The following CCT5 variants were observed in gnomAD, a reference collection of about 807,000 sequenced individuals.
CCT5 encodes the protein T-complex protein 1 subunit epsilon.
Under a neutral mutation model 55.0 loss-of-function variants are expected in CCT5, and 6 were observed. That is an observed-to-expected ratio of 0.11 (90% CI 0.06 to 0.22). CCT5 has a LOEUF of 0.22. CCT5 is among the 10% of genes least tolerant of loss of function. The pLI is 1.00. For missense variants in CCT5, 560 were observed against 694.6 expected, an observed-to-expected ratio of 0.81 and a Z score of 2.18; for synonymous variants, 231 against 243.7, an observed-to-expected ratio of 0.95 and a Z score of 0.49.
intron 4 of CCT5, 113 bp downstream of exon 4, chr5:10,256,266 T>G (rs1475139847): frequency 2.2e-6 from 2 of 919,954 alleles, no homozygotes; most frequent in African/African-American, 1.6e-5. Context: ...TTTGATTATT[T>G]GTTTTGATTA....
chr5:10,249,935 C>CAAAAAAA, upstream of CCT5: 4 of 716,850 alleles, frequency 5.6e-6, no homozygotes, highest in Non-Finnish European at 6.9e-6. Context: ...AAAAAAAAAA[C>CAAAAAAA]CGGAAATGGG....
chr5:10,260,789 C>A lies in CCT5; in HGVS notation c.874-3C>A. Reference sequence around the variant, plus strand: ...AATACGATTGTGGTGGTTCTTTTCCCAGATTAAAGAGACTGGTGCTAACCT... The same window carrying A: ...AATACGATTGTGGTGGTTCTTTTCCAAGATTAAAGAGACTGGTGCTAACCT... On this transcript the variant is annotated splice_region_variant and splice_polypyrimidine_tract_variant and intron_variant, in intron 6 of 10. Coordinates refer to ENST00000280326, the MANE Select transcript of CCT5 (RefSeq NM_012073.5). 1 of 1,613,256 alleles carries A rather than the reference C, an allele frequency of 6.2e-7. No homozygotes were observed. The highest frequency in any genetic ancestry group is 1.1e-5 in the South Asian group (1 of 91,040).
chr5:10,254,064 A>C (rs1745557400), intron 1 of CCT5, 81 bp from the exon 2 acceptor site: 11 of 920,628 alleles, frequency 1.2e-5, no homozygotes, highest in Middle Eastern at 3.0e-4. Context: ...GTCATAAGTG[A>C]TTTTTGTAGT....
At position 10,254,118 on chromosome 5, in the gene CCT5, GT is replaced by G. The variant is rs762170913; in HGVS notation, c.106-24del. 9.2e-6 allele frequency: 14 copies of G among 1,518,536 alleles called. No individual in the cohort carries two copies. In the Admixed American group the frequency reaches 2.3e-4, roughly 25 times the overall value. 94.1% of individuals were successfully genotyped at this position (1,518,536 alleles called of 1,614,324 possible). A position where few individuals can be genotyped will look rare whatever the true frequency, so the allele number is the denominator to read the frequency against. On this transcript the variant is annotated intron_variant, in intron 1 of 10. Coordinates refer to ENST00000280326, the MANE Select transcript of CCT5 (RefSeq NM_012073.5). ...AACCATTGAAATTATATGTAACAGT[GT>G]TTGCTTTTTCTGTTTGTTTCATTAG...
chr5:10,250,142 T>C, upstream of CCT5: 1 of 1,536,012 alleles, frequency 6.5e-7, no homozygotes, highest in Non-Finnish European at 8.7e-7. Flanking sequence ...CCCGGCTTCC[T>C]GGATAATAGA....
intron 10 of CCT5, 90 bp downstream of exon 10, chr5:10,263,404 T>C (rs1746074374): frequency 7.9e-7 from 1 of 1,258,108 alleles, no homozygotes. Context: ...GAGATGATGG[T>C]GTCTTTTTAA....
chr5:10,257,881 T>TA (rs372757876), intron 4 of CCT5: 35 of 578,062 alleles, frequency 6.1e-5, no homozygotes, highest in African/African-American at 6.0e-4. Flanking sequence ...TTAGCGAAAA[T>TA]AAAGATGTAA....
rs2578642 is a variant in CCT5 at position 10,262,628 on chromosome 5, C to A, written c.1317+10C>A. On this transcript the variant is annotated intron_variant, in intron 9 of 10. Coordinates refer to ENST00000280326, the MANE Select transcript of CCT5 (RefSeq NM_012073.5). ...CCAAGAGGCGGATAAGGTAAGGGATCTGTGCAGACTTAGTGAAAGATTCAG... is the reference window on the plus strand; with the variant it reads ...CCAAGAGGCGGATAAGGTAAGGGATATGTGCAGACTTAGTGAAAGATTCAG... The A allele has an allele frequency of 0.82, 1,330,995 of 1,613,666 alleles. 556,319 individuals are homozygous for A. Among genetic ancestry groups the A allele is most frequent in the East Asian group, 0.89 (39,807 of 44,864 alleles).
intron 1 of CCT5, among the ~76,000 whole-genome samples, chr5:10,252,472 G>A (rs1745471075): frequency 6.6e-6 from 1 of 152,050 alleles, no homozygotes; most frequent in African/African-American, 2.4e-5. Context: ...GGCATTGACT[G>A]GGCGCGGTGG....
rs921016368 is a variant in CCT5, at chr5:10,258,522, A to G, written c.860A>G (p.Glu287Gly). 2.1e-5 allele frequency: 34 copies of G among 1,613,442 alleles called. No individual in the cohort carries two copies. The highest frequency in any genetic ancestry group is 2.9e-5 in the Non-Finnish European group (34 of 1,179,604). ...AAATACGAAAAGGAGAAATTTGAAGAGATGATTCAACAAGTAAGTCTTACC... is the reference window on the plus strand; with the variant it reads ...AAATACGAAAAGGAGAAATTTGAAGGGATGATTCAACAAGTAAGTCTTACC... ...LQKYEKEKFE[E>G]MIQQIKETGA... Residue 287 changes from glutamate to glycine, a missense_variant, in exon 6 of 11, where the codon GAG becomes GGG. Physicochemically the swap from Glu to Gly is moderately conservative, Grantham distance 98. Coordinates refer to ENST00000280326, the MANE Select transcript of CCT5 (RefSeq NM_012073.5).
At position 10,263,416 on chromosome 5, in the gene CCT5, T is replaced by G. The variant is rs532775636; in HGVS notation, c.1498+102T>G. 1.8e-5 allele frequency: 20 copies of G among 1,110,584 alleles called. No homozygotes were observed. The South Asian group carries it at 2.6e-4, about 14-fold the overall frequency. The allele number at this position is 1,110,584 out of a possible 1,614,324, so 68.8% of individuals were successfully genotyped here. On this transcript the variant is annotated intron_variant, in intron 10 of 10. Transcript: ENST00000280326. ...TGTGAGATGATGGTGTCTTTTTAAA[T>G]ATGTAAGCCCACTTCAGGTGTTCAA... is the stretch of plus-strand genomic sequence containing the variant.
chr5:10,258,471 C>G lies in CCT5; in HGVS notation c.809C>G (p.Ser270Cys), dbSNP rs763613936. Residue 270 changes from serine (S) to cysteine (C), a missense_variant, in exon 6 of 11, where the codon TCT (serine) becomes TGT (cysteine). Around this residue, in one of 4 missense-constraint regions of CCT5, gnomAD observed 256 missense variants for 372.4 expected, o/e 0.69. Coordinates refer to ENST00000280326, the MANE Select transcript of CCT5 (RefSeq NM_012073.5). ...ACAAAGCATAAGCTGGATGTGACCT[C>G]TGTCGAAGATTATAAAGCCCTTCAG... Reference protein sequence around the residue: ...PKTKHKLDVTSVEDYKALQKY... With the variant: ...PKTKHKLDVTCVEDYKALQKY... The G allele has an allele frequency of 3.1e-6, 5 of 1,614,118 alleles. No individual in the cohort carries two copies. In the South Asian group the frequency reaches 5.5e-5, roughly 18 times the overall value.
intron 4 of CCT5, among the ~76,000 whole-genome samples, chr5:10,257,197 C>T (rs1459671449): frequency 6.6e-6 from 1 of 152,206 alleles, no homozygotes; most frequent in Admixed American, 6.5e-5. Context: ...GCCTTTTCCC[C>T]TGAGCAAAGC....
In CCT5 at chr5:10,265,426, G is replaced by A. The variant is rs1746176602; in HGVS notation, c.*643G>A. 6.5e-6 allele frequency: 1 copy of A among 153,096 alleles called. No individual in the cohort carries two copies. The highest frequency in any genetic ancestry group is 2.0e-4 in the South Asian group (1 of 4,898). 9.5% of individuals were successfully genotyped at this position (153,096 alleles called of 1,614,324 possible). A position where few individuals can be genotyped will look rare whatever the true frequency, so the allele number is the denominator to read the frequency against. On this transcript the variant is annotated 3_prime_UTR_variant, in exon 11 of 11. Transcript: ENST00000280326. Reference sequence around the variant, plus strand: ...AGCTGGCCACCAGCACAGGCTTAGGGCAGTTCAGAACCCACTTGTTTCCCT... The same window carrying A: ...AGCTGGCCACCAGCACAGGCTTAGGACAGTTCAGAACCCACTTGTTTCCCT...
At chr5:10,251,724 C>T (rs1244077065) in intron 1 of CCT5, among the ~76,000 whole-genome samples, 2 of 152,128 alleles carry the variant, frequency 1.3e-5, no homozygotes, top group African/African-American at 4.8e-5. Flanking sequence ...GGTTGATCCA[C>T]GGTAGGCACT....
rs545326643 is a variant in CCT5, at chr5:10,255,838, T to C, written c.332-117T>C. 6.5e-4 allele frequency: 585 copies of C among 902,498 alleles called. 8 individuals are homozygous for C. In the South Asian group the frequency reaches 8.1e-3, roughly 13 times the overall value. 55.9% of individuals were successfully genotyped at this position (902,498 alleles called of 1,614,324 possible). ...AGAGGGCTTCTGCCTCTAAGATGACTTGCAGCTTAATTCTAGAAGCTGCTT... is the reference window on the plus strand; with the variant it reads ...AGAGGGCTTCTGCCTCTAAGATGACCTGCAGCTTAATTCTAGAAGCTGCTT... On this transcript the variant is annotated intron_variant, in intron 3 of 10. Coordinates refer to ENST00000280326, the MANE Select transcript of CCT5 (RefSeq NM_012073.5).
At position 10,260,924 on chromosome 5, in the gene CCT5, A is replaced by G; in HGVS notation, c.993+13A>G. On this transcript the variant is annotated intron_variant, in intron 7 of 10. Coordinates refer to ENST00000280326, the MANE Select transcript of CCT5 (RefSeq NM_012073.5). ...ACCTGAAATTGAGGTAGGATGTTCC[A>G]CGTGAAGAGACTTTGAGAAGTAGGG... 2 of 1,613,732 alleles carry G rather than the reference A, an allele frequency of 1.2e-6. No homozygotes were observed. The highest frequency in any genetic ancestry group is 2.2e-5 in the South Asian group (2 of 91,072).
intron 4 of CCT5, among the ~76,000 whole-genome samples, chr5:10,256,497 C>A (rs1158936393): frequency 1.3e-5 from 2 of 152,066 alleles, no homozygotes; most frequent in East Asian, 3.8e-4. Flanking sequence ...CAGTAGCTTG[C>A]TTGAGCTCAG....
At chr5:10,253,227 G>A (rs996659873) in intron 1 of CCT5, among the ~76,000 whole-genome samples, 4 of 152,154 alleles carry the variant, frequency 2.6e-5, no homozygotes, top group African/African-American at 9.7e-5. Context: ...CTACTGGGGG[G>A]CTGAGGCAGG....
Sources: gnomAD v4.1 joint callset for allele counts (sites outside exome capture counted in the v4.1 genomes callset) on GRCh38, gnomAD v4.1.1 for gene constraint, gnomAD v4.1.1 regional missense constraint, MANE v1.5 for transcripts, NCBI Gene and HGNC (gene_info 2026-07-23, HGNC 2026-07-21) for gene names.